INSYN2B: variants seen among roughly 807,000 people sequenced by gnomAD.
INSYN2B encodes protein INSYN2B.
In INSYN2B, 16 loss-of-function variants were observed where a neutral mutation model predicts 41.2. The observed-to-expected ratio is 0.39, with a 90% CI of 0.26 to 0.59. The LOEUF (loss-of-function observed/expected upper bound fraction) is 0.59, where lower values mean the gene tolerates loss of function less well. INSYN2B is among the 20% of genes least tolerant of loss of function. INSYN2B has a pLI of 0.57. For missense variants in INSYN2B, 608 were observed against 646.4 expected (o/e 0.94, Z 0.64); for synonymous variants, 245 against 244.4 (o/e 1.00, Z -0.02).
chr5:169,973,260 C>T (rs1165919609), intron 1 of INSYN2B, among the ~76,000 whole-genome samples: 2 of 152,192 alleles, frequency 1.3e-5, no homozygotes, highest in East Asian at 3.9e-4. Flanking sequence ...TATAAATCCT[C>T]ACCCACAATG....
chr5:169,970,696 C>T (rs1236197803), intron 1 of INSYN2B, among the ~76,000 whole-genome samples: 2 of 152,324 alleles, frequency 1.3e-5, no homozygotes. Flanking sequence ...TTCTCTGGCC[C>T]TGCCAGGGTG....
chr5:169,907,606 G>A (rs1774355825), intron 1 of INSYN2B, among the ~76,000 whole-genome samples: 1 of 152,126 alleles, frequency 6.6e-6, no homozygotes, highest in Non-Finnish European at 1.5e-5. Context: ...CAGTATGTTG[G>A]AAAGTTCAAT....
chr5:169,880,176 A>T (rs1772557030), intron 3 of INSYN2B, among the ~76,000 whole-genome samples: 1 of 152,204 alleles, frequency 6.6e-6, no homozygotes, highest in Admixed American at 6.5e-5. Context: ...AAGACTTCAC[A>T]TTGAGGTGAA....
intron 1 of INSYN2B, among the ~76,000 whole-genome samples, chr5:169,968,576 G>A (rs17670683): frequency 0.23 from 34,589 of 152,112 alleles, 4,896 homozygotes; most frequent in Non-Finnish European, 0.32. Context: ...TATGGAGTTC[G>A]TGCAGATACT....
chr5:169,935,255 A>T (rs1775932811), intron 1 of INSYN2B, among the ~76,000 whole-genome samples: 2 of 152,176 alleles, frequency 1.3e-5, no homozygotes, highest in South Asian at 4.1e-4. Context: ...CACTGCCAAG[A>T]TCCTCTCTTT....
At chr5:169,879,810 C>T (rs1367903438) in intron 3 of INSYN2B, among the ~76,000 whole-genome samples, 3 of 152,052 alleles carry the variant, frequency 2.0e-5, no homozygotes, top group Non-Finnish European at 4.4e-5. Flanking sequence ...TTGCCCAAGG[C>T]GAGGTCATGA....
intron 3 of INSYN2B, among the ~76,000 whole-genome samples, chr5:169,876,464 G>A (rs1169913976): frequency 2.6e-5 from 4 of 152,210 alleles, no homozygotes; most frequent in African/African-American, 9.6e-5. Flanking sequence ...TCACCTGGAG[G>A]GAGTTTTGTG....
intron 1 of INSYN2B, among the ~76,000 whole-genome samples, chr5:169,899,064 G>A (rs934710507): frequency 6.6e-6 from 1 of 152,202 alleles, no homozygotes; most frequent in Admixed American, 6.5e-5. Flanking sequence ...AATACATAAA[G>A]TGCAAGATGG....
intron 1 of INSYN2B, among the ~76,000 whole-genome samples, chr5:169,930,667 T>C (rs2113680836): frequency 6.6e-6 from 1 of 152,334 alleles, no homozygotes; most frequent in South Asian, 2.1e-4. Context: ...CAATTAAGTT[T>C]TGTAATTTTA....
intron 1 of INSYN2B, among the ~76,000 whole-genome samples, chr5:169,953,064 C>T (rs529281642): frequency 1.2e-3 from 182 of 152,278 alleles, no homozygotes; most frequent in African/African-American, 4.2e-3. Context: ...TGGCTCATAC[C>T]TGTAATCCCA....
At chr5:169,939,970 G>A (rs1052729968) in intron 1 of INSYN2B, among the ~76,000 whole-genome samples, 6 of 152,178 alleles carry the variant, frequency 3.9e-5, no homozygotes, top group Non-Finnish European at 7.3e-5. Context: ...AAGGATAGTT[G>A]GCTATGAAGA....
intron 1 of INSYN2B, among the ~76,000 whole-genome samples, chr5:169,913,665 C>T (rs1277768547): frequency 6.6e-6 from 1 of 152,118 alleles, no homozygotes; most frequent in African/African-American, 2.4e-5. Context: ...AGCTATTTCA[C>T]ACTTTGTTGT....
intron 1 of INSYN2B, among the ~76,000 whole-genome samples, chr5:169,961,989 A>ATAAAAAAAAAAAAAAAT (rs1777107388): frequency 6.7e-6 from 1 of 149,928 alleles, no homozygotes. Flanking sequence ...AAAAAAAAAA[A>ATAAAAAAAAAAAAAAAT]AAAAAATGGA....
At chr5:169,891,841 A>C (rs1239200598) in intron 1 of INSYN2B, among the ~76,000 whole-genome samples, 1 of 152,030 alleles carries the variant, frequency 6.6e-6, no homozygotes, top group African/African-American at 2.4e-5. Context: ...AAAAATACAA[A>C]AAAATTCTCT....
At chr5:169,937,293 T>C (rs1776039495) in intron 1 of INSYN2B, among the ~76,000 whole-genome samples, 1 of 152,182 alleles carries the variant, frequency 6.6e-6, no homozygotes, top group Non-Finnish European at 1.5e-5. Flanking sequence ...ATCTGACCCT[T>C]TGAGAACAAG....
chr5:169,873,373 A>G (rs1295238012), intron 3 of INSYN2B, among the ~76,000 whole-genome samples: 1 of 152,158 alleles, frequency 6.6e-6, no homozygotes, highest in Non-Finnish European at 1.5e-5. Context: ...TGTGTTTGCT[A>G]TTGGTTGTTT....
chr5:169,946,608 A>G (rs1351554134), intron 1 of INSYN2B, among the ~76,000 whole-genome samples: 1 of 152,190 alleles, frequency 6.6e-6, no homozygotes, highest in Non-Finnish European at 1.5e-5. Context: ...CCACCAGTCT[A>G]CTGAGGACTC....
chr5:169,876,516 A>G (rs1393818863), intron 3 of INSYN2B, among the ~76,000 whole-genome samples: 1 of 152,206 alleles, frequency 6.6e-6, no homozygotes, highest in Non-Finnish European at 1.5e-5. Context: ...TACAGTCAGG[A>G]CAGAAGTCCT....
At chr5:169,940,662 C>T (rs1315089927) in intron 1 of INSYN2B, among the ~76,000 whole-genome samples, 1 of 152,152 alleles carries the variant, frequency 6.6e-6, no homozygotes. Context: ...CCCTCACATG[C>T]ACAGTTCACA....
Sources: gnomAD v4.1 joint callset for allele counts (sites outside exome capture counted in the v4.1 genomes callset) on GRCh38, gnomAD v4.1.1 for gene constraint, MANE v1.5 for transcripts, NCBI Gene and HGNC (gene_info 2026-07-23, HGNC 2026-07-21) for gene names.